Variants in CTNNA3 observed in about 807,000 individuals in gnomAD.
CTNNA3 encodes catenin alpha-3.
Under a neutral mutation model 95.7 loss-of-function variants are expected in CTNNA3, and 76 were observed. That is an observed-to-expected ratio of 0.79 (90% CI 0.66 to 0.96). The LOEUF (loss-of-function observed/expected upper bound fraction) is 0.96, where lower values mean the gene tolerates loss of function less well. Ranked by LOEUF, CTNNA3 falls within the 40% of genes least tolerant of loss-of-function variation. The pLI is 0.00. For synonymous variants in CTNNA3, 431 were observed against 374.4 expected (o/e 1.15, Z -1.74); for missense variants, 1,191 against 1,089.8 (o/e 1.09, Z -1.31).
chr10:67,311,694 G>C (rs998517322), intron 5 of CTNNA3, among the ~76,000 whole-genome samples: 2 of 152,078 alleles, frequency 1.3e-5, no homozygotes, highest in Non-Finnish European at 2.9e-5. Context: ...ATATTTAAGT[G>C]TATAGAAGAA....
intron 7 of CTNNA3, among the ~76,000 whole-genome samples, chr10:66,994,278 C>T (rs530383681): frequency 3.9e-5 from 6 of 152,230 alleles, no homozygotes; most frequent in East Asian, 1.9e-4. Context: ...AAGCTTTATA[C>T]GGACATTTAA....
chr10:66,316,140 C>T (rs994420113), intron 12 of CTNNA3, among the ~76,000 whole-genome samples: 1 of 152,026 alleles, frequency 6.6e-6, no homozygotes, highest in African/African-American at 2.4e-5. Context: ...CTATACTTAC[C>T]ATTAAGAAAG....
At chr10:67,319,292 C>T (rs896236047) in intron 5 of CTNNA3, among the ~76,000 whole-genome samples, 7 of 151,106 alleles carry the variant, frequency 4.6e-5, no homozygotes, top group African/African-American at 1.7e-4. Flanking sequence ...GTGGATCTCG[C>T]CCAATATCTC....
intron 9 of CTNNA3, among the ~76,000 whole-genome samples, chr10:66,689,506 G>C (rs1042964398): frequency 2.0e-5 from 3 of 152,096 alleles, no homozygotes; most frequent in Admixed American, 6.5e-5. Flanking sequence ...TATTTGTTAA[G>C]AGTCACTTGC....
At chr10:66,445,644 T>C (rs1437312739) in intron 11 of CTNNA3, among the ~76,000 whole-genome samples, 1 of 151,912 alleles carries the variant, frequency 6.6e-6, no homozygotes, top group Non-Finnish European at 1.5e-5. Flanking sequence ...AGACACAACA[T>C]ACCAGAATCT....
At chr10:67,089,769 AC>A (rs2131904743) in intron 7 of CTNNA3, among the ~76,000 whole-genome samples, 1 of 151,178 alleles carries the variant, frequency 6.6e-6, no homozygotes, top group South Asian at 2.1e-4. Context: ...AAACACATAT[AC>A]TGTATTTGTC....
chr10:67,734,897 T>A (rs905285580), intron 1 of CTNNA3, among the ~76,000 whole-genome samples: 1 of 152,134 alleles, frequency 6.6e-6, no homozygotes, highest in African/African-American at 2.4e-5. Flanking sequence ...GATACATACA[T>A]GGACATTAAA....
intron 17 of CTNNA3, among the ~76,000 whole-genome samples, chr10:65,939,672 C>T (rs2133172695): frequency 6.6e-6 from 1 of 152,288 alleles, no homozygotes; most frequent in Admixed American, 6.5e-5. Flanking sequence ...TTTGGTAACT[C>T]TTCTAAACTC....
chr10:66,515,612 A>C (rs1031022412), intron 11 of CTNNA3, among the ~76,000 whole-genome samples: 1 of 152,126 alleles, frequency 6.6e-6, no homozygotes, highest in African/African-American at 2.4e-5. Context: ...TATAAAGAAA[A>C]GAGGTTTAAT....
intron 11 of CTNNA3, 141 bp from the exon 12 acceptor site, chr10:66,379,493 AT>A (rs2092820585): frequency 2.8e-6 from 2 of 715,194 alleles, no homozygotes; most frequent in Admixed American, 3.0e-5. Flanking sequence ...TTATAAAAAA[AT>A]TGGAGACATA....
chr10:67,115,475 A>G (rs1049948308), intron 7 of CTNNA3, among the ~76,000 whole-genome samples: 24 of 151,654 alleles, frequency 1.6e-4, no homozygotes, highest in Admixed American at 6.6e-5. Flanking sequence ...GTACCCTAAA[A>G]CTTAAAGTAT....
chr10:67,004,738 A>G (rs1435252499), intron 7 of CTNNA3, among the ~76,000 whole-genome samples: 1 of 152,194 alleles, frequency 6.6e-6, no homozygotes, highest in Non-Finnish European at 1.5e-5. Flanking sequence ...AACTTATATC[A>G]TGTCAATTAT....
chr10:66,069,406 C>G lies in CTNNA3; in HGVS notation c.2061G>C (p.Leu687=), dbSNP rs1380267136. ...VADFKKVKSK[L]DAEIEIWDDT... Reference sequence around the variant, plus strand: ...CATCCCATATCTCAATCTCAGCATCCAGCTTACTCTTTACTTTCTTGAAAT... The same window carrying G: ...CATCCCATATCTCAATCTCAGCATCGAGCTTACTCTTTACTTTCTTGAAAT... The change falls in exon 15 of 18, where the codon CTG becomes CTC. Residue 687 remains leucine (L), a synonymous_variant. Coordinates refer to ENST00000433211, the MANE Select transcript of CTNNA3 (RefSeq NM_013266.4). The G allele has an allele frequency of 6.2e-7, 1 of 1,613,634 alleles. No homozygotes were observed. Among genetic ancestry groups the G allele is most frequent in the Non-Finnish European group, 8.5e-7 (1 of 1,179,712 alleles).
chr10:67,566,816 A>G (rs1841820354), intron 3 of CTNNA3, among the ~76,000 whole-genome samples: 1 of 152,122 alleles, frequency 6.6e-6, no homozygotes, highest in Non-Finnish European at 1.5e-5. Flanking sequence ...TGTGGCACAT[A>G]TACACCATGG....
At chr10:66,085,595 A>G in intron 14 of CTNNA3, among the ~76,000 whole-genome samples, 1 of 152,144 alleles carries the variant, frequency 6.6e-6, no homozygotes, top group Non-Finnish European at 1.5e-5. Context: ...GGAGAATGTC[A>G]CCAGAGAGTC....
intron 5 of CTNNA3, among the ~76,000 whole-genome samples, chr10:67,392,658 A>G (rs1291962133): frequency 1.3e-5 from 2 of 152,196 alleles, no homozygotes; most frequent in South Asian, 2.1e-4. Flanking sequence ...AACCAACCCA[A>G]ATGTCCATCA....
intron 7 of CTNNA3, among the ~76,000 whole-genome samples, chr10:67,021,606 A>G (rs1031638194): frequency 2.6e-5 from 4 of 152,122 alleles, no homozygotes; most frequent in African/African-American, 4.8e-5. Context: ...TATGAGAAAC[A>G]TGTAAAAATG....
At chr10:67,559,494 G>C (rs1016473585) in intron 3 of CTNNA3, among the ~76,000 whole-genome samples, 16 of 152,194 alleles carry the variant, frequency 1.1e-4, no homozygotes, top group African/African-American at 3.1e-4. Flanking sequence ...ATCTGTACAT[G>C]ACCATCATCA....
chr10:67,416,883 G>A (rs1175728076), intron 5 of CTNNA3, among the ~76,000 whole-genome samples: 1 of 152,030 alleles, frequency 6.6e-6, no homozygotes, highest in Non-Finnish European at 1.5e-5. Context: ...GAAAGCAGTC[G>A]GGAGATTTCT....
Sources: gnomAD v4.1 joint callset for allele counts (sites outside exome capture counted in the v4.1 genomes callset) on GRCh38, gnomAD v4.1.1 for gene constraint, MANE v1.5 for transcripts, NCBI Gene and HGNC (gene_info 2026-07-23, HGNC 2026-07-21) for gene names.